KIAA1549L: variants seen among roughly 807,000 people sequenced by gnomAD.
KIAA1549L encodes KIAA1549 like.
In KIAA1549L, 88 loss-of-function variants were observed where a neutral mutation model predicts 160.7. That is an observed-to-expected ratio of 0.55 (90% CI 0.46 to 0.65). KIAA1549L has a LOEUF of 0.65. Among genes scored for constraint, KIAA1549L ranks in the 30% least tolerant of loss-of-function variants. KIAA1549L has a pLI of 0.00. For missense variants in KIAA1549L, 2,258 were observed against 2,437.5 expected (o/e 0.93, Z 1.55); for synonymous variants, 950 against 976.7 (o/e 0.97, Z 0.51).
At chr11:33,403,722 C>T (rs1565122361) in intron 1 of KIAA1549L, 2 of 152,280 alleles carry the variant, frequency 1.3e-5, no homozygotes, top group African/African-American at 4.8e-5. Flanking sequence ...TGCTTCTCCT[C>T]CTTCTCTTCC....
Position 33,591,338 on chromosome 11 carries a change from C to A in KIAA1549L, c.4668C>A (p.Pro1556=), listed in dbSNP as rs1195159617. The part of the protein sequence containing the change: ...VTQETVVLPL[P]IRDAPQERDV... ...AGGAGACAGTGGTTCTCCCACTGCC[C>A]ATTAGAGATGCTCCTCAGGAAAGAG... is the stretch of plus-strand genomic sequence containing the variant. Residue 1556 remains proline, a synonymous_variant, in exon 12 of 21, where the codon CCC becomes CCA. Coordinates refer to ENST00000658780, the MANE Select transcript of KIAA1549L (RefSeq NM_012194.3). 1 of 1,613,464 alleles carries A rather than the reference C, an allele frequency of 6.2e-7. No homozygotes were observed.
intron 10 of KIAA1549L, among the ~76,000 whole-genome samples, chr11:33,579,806 G>A (rs546959698): frequency 2.0e-5 from 3 of 152,322 alleles, no homozygotes; most frequent in Middle Eastern, 3.4e-3. Context: ...GCAAGAGGAT[G>A]TCCTCTGGGA....
intron 20 of KIAA1549L, among the ~76,000 whole-genome samples, chr11:33,666,308 C>T (rs536233744): frequency 3.6e-4 from 55 of 152,310 alleles, no homozygotes; most frequent in South Asian, 1.0e-3. Context: ...GCCCTAGCCA[C>T]GCATCCCTGC....
At chr11:33,386,205 A>G (rs1056682026) in intron 1 of KIAA1549L, among the ~76,000 whole-genome samples, 4 of 152,178 alleles carry the variant, frequency 2.6e-5, no homozygotes, top group African/African-American at 4.8e-5. Context: ...GATGTTGGCT[A>G]TAGTTTTGAT....
At chr11:33,381,875 A>G (rs2134032509) in intron 1 of KIAA1549L, among the ~76,000 whole-genome samples, 1 of 152,302 alleles carries the variant, frequency 6.6e-6, no homozygotes, top group South Asian at 2.1e-4. Context: ...AGAGGAATTG[A>G]TACGGCTCCA....
chr11:33,597,751 C>T (rs972389434), intron 12 of KIAA1549L, among the ~76,000 whole-genome samples: 2 of 152,094 alleles, frequency 1.3e-5, no homozygotes, highest in Non-Finnish European at 2.9e-5. Flanking sequence ...CTGTGACTTG[C>T]CCTGTGTGAA....
At chr11:33,443,020 G>T (rs1202477348) in intron 1 of KIAA1549L, among the ~76,000 whole-genome samples, 1 of 151,960 alleles carries the variant, frequency 6.6e-6, no homozygotes, top group Non-Finnish European at 1.5e-5. Flanking sequence ...TTTTCAAAAT[G>T]ATTTGCTTAA....
intron 17 of KIAA1549L, 80 bp from the exon 18 acceptor site, chr11:33,655,932 C>G (rs980904152): frequency 3.8e-5 from 36 of 947,062 alleles, no homozygotes; most frequent in Non-Finnish European, 5.9e-5. Context: ...AGTTTGCTTC[C>G]TCCTCAAACA....
At chr11:33,648,500 A>G (rs1181771880) in intron 17 of KIAA1549L, among the ~76,000 whole-genome samples, 1 of 143,354 alleles carries the variant, frequency 7.0e-6, no homozygotes, top group African/African-American at 2.7e-5. Context: ...ATTTAGAATG[A>G]TAACTATGAT....
chr11:33,578,502 C>T (rs565873547), intron 10 of KIAA1549L, among the ~76,000 whole-genome samples: 5 of 152,320 alleles, frequency 3.3e-5, no homozygotes, highest in African/African-American at 9.6e-5. Flanking sequence ...CTCAACCTCC[C>T]GTTAATGTGC....
At chr11:33,476,971 G>T (rs756950984) in intron 1 of KIAA1549L, among the ~76,000 whole-genome samples, 56 of 152,218 alleles carry the variant, frequency 3.7e-4, no homozygotes, top group Non-Finnish European at 7.2e-4. Context: ...ATTAGGCACA[G>T]TTGGGAGTTC....
chr11:33,602,398 C>G (rs980037988), intron 13 of KIAA1549L, among the ~76,000 whole-genome samples: 1 of 152,204 alleles, frequency 6.6e-6, no homozygotes, highest in African/African-American at 2.4e-5. Context: ...CTTGCTTTAT[C>G]TAATAAATAA....
At chr11:33,424,319 T>C (rs1851075466) in intron 1 of KIAA1549L, among the ~76,000 whole-genome samples, 1 of 152,210 alleles carries the variant, frequency 6.6e-6, no homozygotes. Context: ...GTGAAAGCTT[T>C]ATCTGAGAGT....
chr11:33,526,678 T>C (rs888321785), intron 1 of KIAA1549L, among the ~76,000 whole-genome samples: 1 of 152,134 alleles, frequency 6.6e-6, no homozygotes, highest in African/African-American at 2.4e-5. Flanking sequence ...GAGTTCCAGA[T>C]TTTTCCACTG....
At chr11:33,647,630 A>C (rs1017876548) in intron 17 of KIAA1549L, among the ~76,000 whole-genome samples, 2 of 152,196 alleles carry the variant, frequency 1.3e-5, no homozygotes, top group Non-Finnish European at 2.9e-5. Flanking sequence ...CATAGACTGT[A>C]ATAGACAATG....
At position 33,417,968 on chromosome 11, in the gene KIAA1549L, AG is replaced by A. The variant is rs374131327; in HGVS notation, c.238+41082del. On this transcript the variant is annotated intron_variant, in intron 1 of 20. Coordinates refer to ENST00000658780, the MANE Select transcript of KIAA1549L (RefSeq NM_012194.3). ...AATTTTTTATATTTTTAGTAGAGAC[AG>A]GGTTTTGCCATGTTGGCCAGGCTAG... is the stretch of plus-strand genomic sequence containing the variant. Among the ~76,000 whole-genome samples, 77 of 152,194 alleles carry A rather than the reference AG, an allele frequency of 5.1e-4. 1 individual carries two copies. In the East Asian group the frequency reaches 0.015, roughly 29 times the overall value.
At chr11:33,450,771 C>G (rs1851706186) in intron 1 of KIAA1549L, 1 of 152,314 alleles carries the variant, frequency 6.6e-6, no homozygotes, top group African/African-American at 2.4e-5. Context: ...TCCTAAACTT[C>G]ATGAACACTG....
rs138995084 is a variant in KIAA1549L at position 33,477,854 on chromosome 11, T to TAC, written c.239-63929_239-63928dup. ...AATGTCTGCTGAATGCACAGATGCA[T>TAC]ACACACACACACACACACACCACTG... On this transcript the variant is annotated intron_variant, in intron 1 of 20. Transcript: ENST00000658780. Among the ~76,000 whole-genome samples, 423 of 137,556 alleles carry TAC rather than the reference T, an allele frequency of 3.1e-3. 2 individuals are homozygous for TAC. Among genetic ancestry groups the TAC allele is most frequent in the African/African-American group, 7.9e-3 (291 of 36,744 alleles). The allele number at this position is 137,556 out of a possible 152,430, so 90.2% of individuals were successfully genotyped here.
intron 1 of KIAA1549L, among the ~76,000 whole-genome samples, chr11:33,439,295 T>C (rs937365014): frequency 5.9e-5 from 9 of 152,222 alleles, no homozygotes; most frequent in African/African-American, 2.2e-4. Flanking sequence ...ATTTTACTTA[T>C]TAATGGAGTA....
Sources: allele counts gnomAD v4.1 joint callset (sites outside exome capture counted in the v4.1 genomes callset), GRCh38; gene constraint gnomAD v4.1.1; transcripts MANE v1.5; gene names NCBI Gene and HGNC (gene_info 2026-07-23, HGNC 2026-07-21).